ZEB2: variants seen among roughly 807,000 people sequenced by gnomAD.
ZEB2 encodes the protein zinc finger E-box-binding homeobox 2.
A neutral mutation model predicts 99.9 loss-of-function variants in ZEB2; 6 were observed. That is an observed-to-expected ratio of 0.06 (90% confidence interval 0.03 to 0.12). ZEB2 has a LOEUF of 0.12. Ranked by LOEUF, ZEB2 falls within the 10% of genes least tolerant of loss-of-function variation. The pLI is 1.00. For missense variants in ZEB2, 969 were observed against 1,502.8 expected (o/e 0.64, Z 5.87); for synonymous variants, 517 against 542.5 (o/e 0.95, Z 0.65).
intron 2 of ZEB2, among the ~76,000 whole-genome samples, chr2:144,489,513 A>G (rs187429813): frequency 1.1e-4 from 16 of 152,312 alleles, no homozygotes; most frequent in Admixed American, 8.5e-4. Context: ...GAAAATGCAT[A>G]TCAGCAGAAT....
chr2:144,466,921 A>C, intron 2 of ZEB2, among the ~76,000 whole-genome samples: 1 of 152,184 alleles, frequency 6.6e-6, no homozygotes, highest in East Asian at 1.9e-4. Flanking sequence ...ATTATGCTGT[A>C]GGATGTGCTG....
chr2:144,447,191 G>A (rs16823732), intron 2 of ZEB2, among the ~76,000 whole-genome samples: 10,314 of 152,152 alleles, frequency 0.068, 405 homozygotes, highest in Middle Eastern at 0.12. Flanking sequence ...TTCTCTGGCT[G>A]CTAAGTACTT....
chr2:144,481,456 A>G (rs1051792370), intron 2 of ZEB2, among the ~76,000 whole-genome samples: 2 of 152,202 alleles, frequency 1.3e-5, no homozygotes, highest in African/African-American at 4.8e-5. Flanking sequence ...TATTAACTCA[A>G]TTGAAAAGGT....
chr2:144,422,148 C>T (rs1703627058), intron 4 of ZEB2, among the ~76,000 whole-genome samples: 1 of 152,226 alleles, frequency 6.6e-6, no homozygotes, highest in Non-Finnish European at 1.5e-5. Context: ...ACTACAGTGA[C>T]TTCCAGTTGG....
intron 1 of ZEB2, 111 bp from the exon 2 acceptor site, chr2:144,517,530 C>T: frequency 1.4e-6 from 1 of 738,756 alleles, no homozygotes; most frequent in Non-Finnish European, 2.4e-6. Context: ...TCCGCGCCCC[C>T]CAACGCCAAA....
intron 2 of ZEB2, chr2:144,516,049 G>C (rs1705133259): frequency 6.6e-6 from 1 of 152,130 alleles, no homozygotes. Context: ...TGGGCGCTGC[G>C]TCCCAGCGCC....
intron 4 of ZEB2, among the ~76,000 whole-genome samples, chr2:144,417,693 G>A (rs1703559027): frequency 6.6e-6 from 1 of 152,194 alleles, no homozygotes; most frequent in African/African-American, 2.4e-5. Flanking sequence ...AGAGTAGGGG[G>A]AAGGGTGAAC....
chr2:144,452,088 C>T (rs1249307097), intron 2 of ZEB2, among the ~76,000 whole-genome samples: 1 of 152,172 alleles, frequency 6.6e-6, no homozygotes. Context: ...ATGAGCTCCA[C>T]TCACTCGTAC....
rs1345680854 is a variant in ZEB2, at chr2:144,387,060, T to TATACACACACACACATACAC, written c.*2371_*2390dup. 2 of 148,656 alleles carry TATACACACACACACATACAC rather than the reference T, an allele frequency of 1.3e-5. No individual in the cohort carries two copies. The highest frequency in any genetic ancestry group is 3.0e-5 in the Non-Finnish European group (2 of 67,140). 9.2% of individuals were successfully genotyped at this position (148,656 alleles called of 1,614,324 possible). Reference sequence around the variant, plus strand: ...GTGTGTGTGTGTATATATATATATATATACACACACACACATACACACTTT... The same window carrying TATACACACACACACATACAC: ...GTGTGTGTGTGTATATATATATATATATACACACACACACATACACATACACACACACACATACACACTTT... On this transcript the variant is annotated 3_prime_UTR_variant, in exon 10 of 10. Coordinates refer to ENST00000627532, the MANE Select transcript of ZEB2 (RefSeq NM_014795.4).
chr2:144,500,099 A>G (rs1420230477), intron 2 of ZEB2, among the ~76,000 whole-genome samples: 1 of 152,226 alleles, frequency 6.6e-6, no homozygotes, highest in Non-Finnish European at 1.5e-5. Flanking sequence ...CCTCCACTGC[A>G]TTCATTTATA....
intron 3 of ZEB2, chr2:144,427,975 C>T (rs1265087180): frequency 6.6e-6 from 1 of 152,150 alleles, no homozygotes; most frequent in African/African-American, 2.4e-5. Flanking sequence ...CAAAAAGCTG[C>T]CACAATCACA....
chr2:144,454,841 A>G (rs1351562841), intron 2 of ZEB2, among the ~76,000 whole-genome samples: 1 of 152,086 alleles, frequency 6.6e-6, no homozygotes, highest in Non-Finnish European at 1.5e-5. Context: ...CTGTAAATGT[A>G]CACACATGGG....
At chr2:144,450,240 A>G (rs1455598833) in intron 2 of ZEB2, 1 of 152,212 alleles carries the variant, frequency 6.6e-6, no homozygotes, top group Non-Finnish European at 1.5e-5. Flanking sequence ...TGATGCAGCG[A>G]CAATTGACCA....
intron 2 of ZEB2, 41 bp downstream of exon 2, chr2:144,517,237 G>A: frequency 6.2e-7 from 1 of 1,611,364 alleles, no homozygotes; most frequent in Non-Finnish European, 8.5e-7. Flanking sequence ...GTCTCGAGCC[G>A]CGTAGTGGCC....
intron 6 of ZEB2, among the ~76,000 whole-genome samples, chr2:144,403,650 T>TA (rs538062701): frequency 2.5e-4 from 38 of 152,148 alleles, no homozygotes; most frequent in Admixed American, 6.6e-4. Flanking sequence ...TTGTGGAACA[T>TA]AAAAATGAAA....
intron 2 of ZEB2, chr2:144,513,770 C>G: frequency 6.5e-7 from 1 of 1,536,094 alleles, no homozygotes. Context: ...GCATCTCCCG[C>G]TCCGAGTGCT....
chr2:144,397,847 G>A (rs13003631), intron 8 of ZEB2: 34,237 of 297,744 alleles, frequency 0.11, 2,259 homozygotes, highest in African/African-American at 0.2. Flanking sequence ...TACCATGTTG[G>A]CCAGGCTGGT....
intron 2 of ZEB2, among the ~76,000 whole-genome samples, chr2:144,517,028 G>GCCCCGGCCGGACCCCCGCGCTCGGAC (rs1705161269): frequency 6.7e-6 from 1 of 149,568 alleles, no homozygotes. Context: ...GGGGCGCGGG[G>GCCCCGGCCGGACCCCCGCGCTCGGAC]CCCCGGCCGG....
intron 8 of ZEB2, chr2:144,398,031 T>C: frequency 2.6e-6 from 1 of 384,990 alleles, no homozygotes; most frequent in Non-Finnish European, 4.9e-6. Flanking sequence ...AAAGTTTAAT[T>C]TTAAAAGCAG....
Sources: gnomAD v4.1 joint callset for allele counts (sites outside exome capture counted in the v4.1 genomes callset) on GRCh38, gnomAD v4.1.1 for gene constraint, MANE v1.5 for transcripts, NCBI Gene and HGNC (gene_info 2026-07-23, HGNC 2026-07-21) for gene names.